The following C3orf52 variants were observed in gnomAD, a reference collection of about 807,000 sequenced individuals.
C3orf52 encodes the protein TPA-induced transmembrane protein.
Under a neutral mutation model 24.8 loss-of-function variants are expected in C3orf52, and 22 were observed. The ratio of observed to expected loss-of-function variants is 0.89; its 90% confidence interval spans 0.63 to 1.27. The LOEUF (loss-of-function observed/expected upper bound fraction) is 1.27. Ranked by LOEUF, C3orf52 falls within the 50% of genes most tolerant of loss-of-function variation. The pLI is 0.00. For missense variants in C3orf52, 265 were observed against 260.7 expected, an observed-to-expected ratio of 1.02 and a Z score of -0.11; for synonymous variants, 93 against 100.2, an observed-to-expected ratio of 0.93 and a Z score of 0.43.
downstream of C3orf52, among the ~76,000 whole-genome samples, chr3:112,132,160 G>A (rs958035904): frequency 6.6e-6 from 1 of 152,004 alleles, no homozygotes; most frequent in African/African-American, 2.4e-5. Context: ...GACAACCCAG[G>A]GTAGAGAAGT....
At chr3:112,104,997 T>G (rs1403126048) in intron 3 of C3orf52, among the ~76,000 whole-genome samples, 1 of 152,238 alleles carries the variant, frequency 6.6e-6, no homozygotes, top group Non-Finnish European at 1.5e-5. Context: ...TGTCACCTGT[T>G]GCATAGTAGA....
intron 1 of C3orf52, among the ~76,000 whole-genome samples, chr3:112,091,303 A>G (rs1449940401): frequency 6.6e-6 from 1 of 152,198 alleles, no homozygotes; most frequent in Non-Finnish European, 1.5e-5. Context: ...CCCCTCCTCT[A>G]TGTGGTTTCA....
rs149662329 is a variant in C3orf52, at chr3:112,112,663, TCTC to T, written c.468-300_468-298del. 6.4e-3 allele frequency: 2,514 copies of T among 394,826 alleles called. 53 individuals carry two copies. Among genetic ancestry groups the T allele is most frequent in the African/African-American group, 0.046 (2,234 of 48,648 alleles). The allele number at this position is 394,826 out of a possible 1,614,324, so 24.5% of individuals were successfully genotyped here. A position where few individuals can be genotyped will look rare whatever the true frequency, so the allele number is the denominator to read the frequency against. On this transcript the variant is annotated intron_variant, in intron 4 of 5. Transcript: ENST00000264848. ...AGATGGTGGGTCAAGCCTGGGATCT[TCTC>T]AGCATCTTGACTGGAGATGGGCACC...
At chr3:112,090,764 C>A (rs2073870247) in intron 1 of C3orf52, among the ~76,000 whole-genome samples, 1 of 152,232 alleles carries the variant, frequency 6.6e-6, no homozygotes, top group Admixed American at 6.5e-5. Context: ...TGCATTGACA[C>A]TCATTCTATG....
At chr3:112,120,607 T>C (rs2074178431), downstream of C3orf52, among the ~76,000 whole-genome samples, 1 of 151,506 alleles carries the variant, frequency 6.6e-6, no homozygotes, top group South Asian at 2.1e-4. Flanking sequence ...GGAGGAGGAG[T>C]TTTCTGGTTA....
At chr3:112,092,084 C>T (rs1356054073) in intron 1 of C3orf52, among the ~76,000 whole-genome samples, 3 of 151,706 alleles carry the variant, frequency 2.0e-5, no homozygotes, top group African/African-American at 4.8e-5. Context: ...CGAGTCTCCT[C>T]GAGTGCCGGC....
intron 3 of C3orf52, among the ~76,000 whole-genome samples, chr3:112,105,991 C>T (rs190608030): frequency 1.6e-4 from 24 of 152,192 alleles, no homozygotes; most frequent in Admixed American, 1.0e-3. Context: ...TATGGGCACA[C>T]TGTAGAAAAT....
chr3:112,131,273 A>G (rs900447958), downstream of C3orf52, among the ~76,000 whole-genome samples: 2 of 152,138 alleles, frequency 1.3e-5, no homozygotes, highest in Non-Finnish European at 2.9e-5. Flanking sequence ...TGCTGCTGGC[A>G]GGTCTCTTCC....
chr3:112,095,613 A>C (rs1320507787), intron 2 of C3orf52, among the ~76,000 whole-genome samples: 1 of 152,186 alleles, frequency 6.6e-6, no homozygotes, highest in Non-Finnish European at 1.5e-5. Flanking sequence ...TTTTTTTAAC[A>C]CTTGTAGTGC....
chr3:112,115,277 C>T (rs2074123921), intron 5 of C3orf52, among the ~76,000 whole-genome samples: 1 of 152,152 alleles, frequency 6.6e-6, no homozygotes, highest in African/African-American at 2.4e-5. Flanking sequence ...AGAAGAGGGA[C>T]TCATCGCAGG....
At chr3:112,094,424 T>G (rs1187704420) in intron 2 of C3orf52, among the ~76,000 whole-genome samples, 1 of 152,258 alleles carries the variant, frequency 6.6e-6, no homozygotes, top group Admixed American at 6.5e-5. Flanking sequence ...TGTTGTTGCT[T>G]ATTTTGATTG....
chr3:112,128,173 G>T (rs767910710), intron 4 of C3orf52: 1 of 879,314 alleles, frequency 1.1e-6, no homozygotes, highest in South Asian at 1.4e-5. Context: ...CCCCGCAAGC[G>T]TGTTTCATTC....
At chr3:112,097,487 G>A (rs774015893) in intron 2 of C3orf52, among the ~76,000 whole-genome samples, 5 of 152,102 alleles carry the variant, frequency 3.3e-5, no homozygotes, top group Non-Finnish European at 5.9e-5. Context: ...TATAAGCAAC[G>A]ACTTCCTAAG....
intron 1 of C3orf52, 28 bp downstream of exon 1, chr3:112,086,573 C>G: frequency 6.6e-7 from 1 of 1,513,634 alleles, no homozygotes; most frequent in South Asian, 1.2e-5. Flanking sequence ...CTGGCCCTAA[C>G]TTGCCGGCGG....
At chr3:112,126,552 T>G (rs2074323797) in intron 4 of C3orf52, among the ~76,000 whole-genome samples, 1 of 152,174 alleles carries the variant, frequency 6.6e-6, no homozygotes, top group African/African-American at 2.4e-5. Context: ...GGTGATATCT[T>G]TAATACAAAT....
At position 112,116,177 on chromosome 3, in the gene C3orf52, G is replaced by T. The variant is rs2074131941; in HGVS notation, c.650-465G>T. On this transcript the variant is annotated intron_variant, in intron 5 of 5. Transcript: ENST00000264848. ...CAGTGGTGGCGAGGCTGGACTCCTGGTCTGTAGACCCCGGCGGGCTCCCCC... is the reference window on the plus strand; with the variant it reads ...CAGTGGTGGCGAGGCTGGACTCCTGTTCTGTAGACCCCGGCGGGCTCCCCC... Among the ~76,000 whole-genome samples, 6 of 152,174 alleles carry T rather than the reference G, an allele frequency of 3.9e-5. No homozygotes were observed. The South Asian group carries it at 1.2e-3, about 32-fold the overall frequency.
chr3:112,107,070 G>A (rs1559973927), intron 3 of C3orf52, among the ~76,000 whole-genome samples: 1 of 152,168 alleles, frequency 6.6e-6, no homozygotes, highest in East Asian at 1.9e-4. Context: ...CAGCAGAGGA[G>A]CATGATCAAA....
chr3:112,125,311 G>A lies in C3orf52; in HGVS notation c.*47-2922G>A. 14 of 1,161,084 alleles carry A rather than the reference G, an allele frequency of 1.2e-5. No individual in the cohort carries two copies. In the South Asian group the frequency reaches 1.7e-4, roughly 14 times the overall value. The allele number at this position is 1,161,084 out of a possible 1,614,324, so 71.9% of individuals were successfully genotyped here. A position where few individuals can be genotyped will look rare whatever the true frequency, so the allele number is the denominator to read the frequency against. ...AGGTTATGGGGAGATTTGAAGGGAAGAGCAGGGGAGGCTAGAATATAAATA... is the reference window on the plus strand; with the variant it reads ...AGGTTATGGGGAGATTTGAAGGGAAAAGCAGGGGAGGCTAGAATATAAATA... On this transcript the variant is annotated intron_variant, in intron 4 of 4. Coordinates refer to the C3orf52 transcript ENST00000480282.
intron 4 of C3orf52, among the ~76,000 whole-genome samples, chr3:112,110,056 G>A (rs936874444): frequency 3.3e-5 from 5 of 152,228 alleles, no homozygotes; most frequent in East Asian, 1.9e-4. Flanking sequence ...GGGGCCGGGC[G>A]TGGTAGCTCA....
Sources: allele counts gnomAD v4.1 joint callset (sites outside exome capture counted in the v4.1 genomes callset), GRCh38; gene constraint gnomAD v4.1.1; transcripts MANE v1.5; gene names NCBI Gene and HGNC (gene_info 2026-07-23, HGNC 2026-07-21).